NTRK1: variants seen among roughly 807,000 people sequenced by gnomAD.
The protein encoded by NTRK1 is neurotrophic receptor tyrosine kinase 1.
Under a neutral mutation model 86.8 loss-of-function variants are expected in NTRK1, and 62 were observed. That is an observed-to-expected ratio of 0.71 (90% CI 0.58 to 0.88). The LOEUF is 0.88. Among genes scored for constraint, NTRK1 ranks in the 40% least tolerant of loss-of-function variants. The pLI is 0.00. For missense variants in NTRK1, 967 were observed against 1,078.4 expected, an observed-to-expected ratio of 0.90 and a Z score of 1.45; for synonymous variants, 469 against 456.6, an observed-to-expected ratio of 1.03 and a Z score of -0.35.
chr1:156,845,304 G>C, intron 2 of NTRK1: 1 of 1,612,112 alleles, frequency 6.2e-7, no homozygotes, highest in African/African-American at 1.3e-5. Context: ...TCCCTGGGGA[G>C]AGCGAGTCAG....
At chr1:156,825,969 C>T (rs1654305108) in intron 1 of NTRK1, among the ~76,000 whole-genome samples, 1 of 152,148 alleles carries the variant, frequency 6.6e-6, no homozygotes, top group South Asian at 2.1e-4. Flanking sequence ...CAGGGCCACA[C>T]AGAAAGGAAG....
chr1:156,841,762 C>T (rs1553258219), intron 1 of NTRK1: 6 of 1,614,152 alleles, frequency 3.7e-6, no homozygotes, highest in Non-Finnish European at 4.2e-6. Context: ...CGGTAATAGT[C>T]TGTCTCATAC....
At chr1:156,834,437 C>T (rs539106400) in intron 1 of NTRK1, among the ~76,000 whole-genome samples, 2 of 152,232 alleles carry the variant, frequency 1.3e-5, no homozygotes, top group African/African-American at 4.8e-5. Flanking sequence ...AGGGAAGATG[C>T]AATTTAGAAC....
Position 156,842,153 on chromosome 1 carries a change from CG to C in NTRK1, c.13del (p.Ala5LeufsTer29). 6.2e-7 allele frequency: 1 copy of C among 1,613,982 alleles called. No homozygotes were observed. The highest frequency in any genetic ancestry group is 8.5e-7 in the Non-Finnish European group (1 of 1,180,000). On this transcript the variant is annotated frameshift_variant, in exon 2 of 17. Transcript: ENST00000392302. LOFTEE classifies it high-confidence loss of function. ...GAAGTCCTGGGACACCATGCAGTTG[CG>C]GGCTGCTAGATCTCGGTGCACAAAC...
At position 156,876,097 on chromosome 1, in the gene NTRK1, C is replaced by A. The variant is rs757590743; in HGVS notation, c.1519C>A (p.Arg507Ser). The A allele has an allele frequency of 2.5e-6, 4 of 1,614,114 alleles. No individual in the cohort carries two copies. The highest frequency in any genetic ancestry group is 2.2e-5 in the South Asian group (2 of 91,088). ...FSDACVHHIK[R>S]RDIVLKWELG... ...CCCCTCAGGTGTTCACCACATCAAG[C>A]GCCGGGACATCGTGCTCAAGTGGGA... Residue 507 changes from arginine (R) to serine (S), a missense_variant, in exon 13 of 17, where the codon CGC (arginine) becomes AGC (serine). Arg to Ser is a moderately radical substitution (Grantham distance 110, BLOSUM62 -1). Coordinates refer to ENST00000524377, the MANE Select transcript of NTRK1 (RefSeq NM_002529.4).
chr1:156,843,317 G>A, intron 2 of NTRK1: 1 of 1,564,376 alleles, frequency 6.4e-7, no homozygotes, highest in Non-Finnish European at 8.8e-7. Context: ...CTCTTCTGAA[G>A]GGCTCTTGTC....
At chr1:156,817,188 G>T (rs1158913239) in intron 1 of NTRK1, among the ~76,000 whole-genome samples, 1 of 152,102 alleles carries the variant, frequency 6.6e-6, no homozygotes, top group Non-Finnish European at 1.5e-5. Context: ...CACACAAGGT[G>T]CTTATGGATC....
intron 2 of NTRK1, chr1:156,851,996 T>A (rs984192969): frequency 8.1e-6 from 13 of 1,612,104 alleles, no homozygotes; most frequent in Non-Finnish European, 1.1e-5. Context: ...GGCACAGCGC[T>A]CAGCTGTGAC....
rs1350030503 is a variant in NTRK1 at position 156,879,888 on chromosome 1, G to A, written c.2047-111G>A. 13 of 1,403,902 alleles carry A rather than the reference G, an allele frequency of 9.3e-6. No individual in the cohort carries two copies. In the Admixed American group the frequency reaches 1.4e-4, roughly 15 times the overall value. 87.0% of individuals were successfully genotyped at this position (1,403,902 alleles called of 1,614,324 possible). ...CTCCCAAAGTGCTGGGATTACAGGC[G>A]TGAACCACCGAGCTTGTGTATTTAT... On this transcript the variant is annotated intron_variant, in intron 15 of 16. Coordinates refer to ENST00000524377, the MANE Select transcript of NTRK1 (RefSeq NM_002529.4).
chr1:156,849,513 G>GGGGGGGGGGGGGGGGGA, intron 2 of NTRK1: 2 of 486,122 alleles, frequency 4.1e-6, no homozygotes, highest in Non-Finnish European at 4.1e-6. Context: ...CAGGGGGTGG[G>GGGGGGGGGGGGGGGGGA]AAAGGGGATG....
rs1311486640 is a variant in NTRK1 at position 156,880,043 on chromosome 1, G to A, written c.2091G>A (p.Glu697=). The change falls in exon 16 of 17, where the codon GAG becomes GAA. Residue 697 remains glutamate (E), a synonymous_variant. Coordinates refer to ENST00000524377, the MANE Select transcript of NTRK1 (RefSeq NM_002529.4). ...TGCCCATTCGCTGGATGCCGCCCGA[G>A]AGCATCCTGTACCGTAAGTTCACCA... ...TMLPIRWMPP[E]SILYRKFTTE... is the part of the protein sequence containing the mutation. The A allele has an allele frequency of 3.1e-6, 5 of 1,613,360 alleles. No homozygotes were observed.
At chr1:156,836,083 T>A (rs1408451953) in intron 1 of NTRK1, among the ~76,000 whole-genome samples, 1 of 152,152 alleles carries the variant, frequency 6.6e-6, no homozygotes, top group Non-Finnish European at 1.5e-5. Flanking sequence ...CCCTTTCTCC[T>A]CCTGCGTGTC....
intron 2 of NTRK1, chr1:156,852,231 C>T (rs766028917): frequency 6.5e-6 from 10 of 1,539,488 alleles, no homozygotes; most frequent in Non-Finnish European, 8.8e-6. Flanking sequence ...GCCATGCCCC[C>T]TCAGTCCTGG....
chr1:156,816,689 T>C, intron 1 of NTRK1: 2 of 1,601,298 alleles, frequency 1.2e-6, no homozygotes, highest in East Asian at 2.3e-5. Context: ...GGGACATATC[T>C]GGGCCAGGGG....
chr1:156,861,331 G>T (rs1022438076), intron 1 of NTRK1, among the ~76,000 whole-genome samples, 185 bp downstream of exon 1: 2 of 152,230 alleles, frequency 1.3e-5, no homozygotes, highest in East Asian at 3.9e-4. Context: ...AAGCTTTATG[G>T]TCAGTGCCTG....
At chr1:156,856,864 C>T (rs1124483), upstream of NTRK1, among the ~76,000 whole-genome samples, 882 of 152,266 alleles carry the variant, frequency 5.8e-3, 9 homozygotes, top group African/African-American at 0.021. Context: ...CCTTTCTCTC[C>T]CTGGACTCTC....
chr1:156,845,818 G>T, intron 2 of NTRK1: 1 of 1,611,640 alleles, frequency 6.2e-7, no homozygotes. Context: ...CGCAAGCCTG[G>T]CGCCGCAGCG....
chr1:156,821,453 C>CTGTGTGTG (rs59579534), intron 1 of NTRK1, among the ~76,000 whole-genome samples: 216 of 138,010 alleles, frequency 1.6e-3, no homozygotes, highest in African/African-American at 4.1e-3. Context: ...CTAATTTAGC[C>CTGTGTGTG]TGTGTGTGTG....
chr1:156,875,406 C>T (rs2102914523), intron 11 of NTRK1, 114 bp from the exon 12 acceptor site: 1 of 1,407,830 alleles, frequency 7.1e-7, no homozygotes, highest in Non-Finnish European at 9.9e-7. Context: ...TCCCTAGCTT[C>T]TCAGTCTCTC....
Sources: allele counts gnomAD v4.1 joint callset (sites outside exome capture counted in the v4.1 genomes callset), GRCh38; gene constraint gnomAD v4.1.1; transcripts MANE v1.5; gene names NCBI Gene and HGNC (gene_info 2026-07-23, HGNC 2026-07-21).